The following ABCB11 variants were observed in gnomAD, a reference collection of about 807,000 sequenced individuals.
ABCB11 encodes bile salt export pump.
Under a neutral mutation model 148.0 loss-of-function variants are expected in ABCB11, and 95 were observed. The ratio of observed to expected loss-of-function variants is 0.64; its 90% CI spans 0.54 to 0.76. The LOEUF (loss-of-function observed/expected upper bound fraction) is 0.76. ABCB11 is among the 30% of genes least tolerant of loss of function. The probability of loss-of-function intolerance (pLI) is 0.00; values close to 1 mark genes in which losing one functional copy is unlikely to be tolerated. For missense variants in ABCB11, 1,523 were observed against 1,617.8 expected (o/e 0.94, Z 1.01); for synonymous variants, 591 against 555.4 (o/e 1.06, Z -0.90).
chr2:169,000,226 A>G (rs1033845905), intron 5 of ABCB11, among the ~76,000 whole-genome samples: 1 of 152,008 alleles, frequency 6.6e-6, no homozygotes, highest in African/African-American at 2.4e-5. Flanking sequence ...TGGATATACA[A>G]GTTGCAAATA....
intron 9 of ABCB11, 77 bp from the exon 10 acceptor site, chr2:168,986,361 G>A (rs1350921400): frequency 2.4e-6 from 3 of 1,247,858 alleles, no homozygotes; most frequent in Non-Finnish European, 3.4e-6. Flanking sequence ...CCGTGATGCA[G>A]TGGTTTTACA....
chr2:169,015,335 G>A (rs1281481306), intron 3 of ABCB11, among the ~76,000 whole-genome samples: 1 of 152,162 alleles, frequency 6.6e-6, no homozygotes, highest in Non-Finnish European at 1.5e-5. Flanking sequence ...AACACAGGCA[G>A]AGTCTAGTAC....
intron 26 of ABCB11, among the ~76,000 whole-genome samples, chr2:168,926,690 A>G (rs574611573): frequency 2.2e-4 from 34 of 152,338 alleles, no homozygotes; most frequent in African/African-American, 7.9e-4. Flanking sequence ...GCACTGTGAA[A>G]TAAATTGCAT....
At chr2:169,002,431 T>C (rs1453752877) in intron 5 of ABCB11, among the ~76,000 whole-genome samples, 1 of 152,168 alleles carries the variant, frequency 6.6e-6, no homozygotes, top group Non-Finnish European at 1.5e-5. Context: ...CTATATAACC[T>C]AGCAATCCTA....
intron 5 of ABCB11, among the ~76,000 whole-genome samples, chr2:168,999,641 C>T (rs747903932): frequency 3.3e-5 from 5 of 152,052 alleles, no homozygotes; most frequent in Non-Finnish European, 7.4e-5. Context: ...CAAGTTTCAT[C>T]ATTAACAGTT....
intron 26 of ABCB11, among the ~76,000 whole-genome samples, chr2:168,925,088 G>A (rs1038275315): frequency 6.6e-6 from 1 of 152,126 alleles, no homozygotes; most frequent in Non-Finnish European, 1.5e-5. Context: ...GTCCACATAA[G>A]AGCCCATATA....
chr2:168,987,733 T>C (rs745653582), intron 9 of ABCB11, among the ~76,000 whole-genome samples: 1 of 152,268 alleles, frequency 6.6e-6, no homozygotes, highest in Non-Finnish European at 1.5e-5. Flanking sequence ...GCCCAGCCTG[T>C]TTGACCAAAT....
At chr2:169,014,421 G>T in intron 3 of ABCB11, 67 bp from the exon 4 acceptor site, 2 of 1,472,736 alleles carry the variant, frequency 1.4e-6, no homozygotes, top group Non-Finnish European at 9.4e-7. Context: ...CTCCCTAGGT[G>T]GTGATTTTAT....
intron 1 of ABCB11, among the ~76,000 whole-genome samples, chr2:169,025,181 A>C (rs3770602): frequency 6.6e-6 from 1 of 152,018 alleles, no homozygotes; most frequent in African/African-American, 2.4e-5. Context: ...ATTTAAAAAG[A>C]TTTCTTTCCA....
chr2:168,986,675 C>G (rs1694338153), intron 9 of ABCB11, among the ~76,000 whole-genome samples: 1 of 152,060 alleles, frequency 6.6e-6, no homozygotes. Flanking sequence ...AATAAGCAGA[C>G]CAGACTTTTT....
At chr2:168,939,554 A>G (rs1559187237) in intron 21 of ABCB11, among the ~76,000 whole-genome samples, 1 of 151,934 alleles carries the variant, frequency 6.6e-6, no homozygotes, top group Non-Finnish European at 1.5e-5. Context: ...TGAATTTATG[A>G]AGTCCAACAT....
At chr2:169,026,866 T>G (rs1695713146) in intron 1 of ABCB11, among the ~76,000 whole-genome samples, 2 of 152,180 alleles carry the variant, frequency 1.3e-5, no homozygotes, top group African/African-American at 2.4e-5. Context: ...GCACTTTCTA[T>G]GATTTAAGAG....
chr2:168,993,148 A>G (rs1459436748), intron 8 of ABCB11, among the ~76,000 whole-genome samples: 1 of 152,086 alleles, frequency 6.6e-6, no homozygotes, highest in African/African-American at 2.4e-5. Flanking sequence ...TCTGAAAGAT[A>G]AGATGAAATG....
In ABCB11 at chr2:168,935,395, T is replaced by C. The variant is rs762623227; in HGVS notation, c.2845A>G (p.Thr949Ala). ...CTCTCCTTTCCAATTCCAGCAACAGTGCGGATGTTACTGAGGGCTTCATTT... is the reference window on the plus strand; with the variant it reads ...CTCTCCTTTCCAATTCCAGCAACAGCGCGGATGTTACTGAGGGCTTCATTT... ...ITNEALSNIR[T>A]VAGIGKERRF... The change falls in exon 23 of 28, where the codon ACT becomes GCT. Residue 949 changes from threonine to alanine, a missense_variant. By Grantham distance (58) the Thr-to-Ala change is moderately conservative. Coordinates refer to ENST00000650372, the MANE Select transcript of ABCB11 (RefSeq NM_003742.4). 5 of 1,613,844 alleles carry C rather than the reference T, an allele frequency of 3.1e-6. No homozygotes were observed. In the Admixed American group the frequency reaches 5.0e-5, roughly 16 times the overall value.
In ABCB11 at chr2:168,996,726, CA is replaced by C; in HGVS notation, c.390-5del. On this transcript the variant is annotated splice_region_variant and splice_polypyrimidine_tract_variant and intron_variant, in intron 5 of 27. Coordinates refer to ENST00000650372, the MANE Select transcript of ABCB11 (RefSeq NM_003742.4). ...TTCGCTCTCGATGTTCAGCAACCTT[CA>C]AAAGAGGGAAAAGAATGTTCAGACT... 6.5e-7 allele frequency: 1 copy of C among 1,535,932 alleles called. No individual in the cohort carries two copies. Among genetic ancestry groups the C allele is most frequent in the Non-Finnish European group, 8.8e-7 (1 of 1,135,946 alleles).
intron 8 of ABCB11, 115 bp downstream of exon 8, chr2:168,993,596 A>G (rs911551811): frequency 1.1e-6 from 1 of 903,308 alleles, no homozygotes; most frequent in African/African-American, 1.7e-5. Context: ...CTACATGAAG[A>G]TAGTGATAAT....
intron 12 of ABCB11, among the ~76,000 whole-genome samples, chr2:168,975,223 A>C (rs1196628778): frequency 5.6e-5 from 5 of 89,054 alleles, no homozygotes; most frequent in South Asian, 3.9e-4. Flanking sequence ...AAATATTTAT[A>C]GATAAATATA....
intron 6 of ABCB11, 117 bp from the exon 7 acceptor site, chr2:168,995,599 A>G (rs1405396180): frequency 9.0e-7 from 1 of 1,113,950 alleles, no homozygotes; most frequent in African/African-American, 1.6e-5. Flanking sequence ...AGTAATTCAG[A>G]AAATGCCTCT....
At chr2:168,978,969 C>A (rs72623177) in intron 11 of ABCB11, among the ~76,000 whole-genome samples, 5,481 of 152,210 alleles carry the variant, frequency 0.036, 378 homozygotes, top group East Asian at 0.31. Flanking sequence ...ACGCGCCCAC[C>A]TTGGCCTCCC....
Sources: gnomAD v4.1 joint callset for allele counts (sites outside exome capture counted in the v4.1 genomes callset) on GRCh38, gnomAD v4.1.1 for gene constraint, MANE v1.5 for transcripts, NCBI Gene and HGNC (gene_info 2026-07-23, HGNC 2026-07-21) for gene names.